PDE1C: variants seen among roughly 807,000 people sequenced by gnomAD.
PDE1C encodes the protein phosphodiesterase 1C.
In PDE1C, 62 loss-of-function variants were observed where a neutral mutation model predicts 93.1. The ratio of observed to expected loss-of-function variants is 0.67; its 90% CI spans 0.54 to 0.82. The LOEUF (loss-of-function observed/expected upper bound fraction) is 0.82, where lower values mean the gene tolerates loss of function less well. PDE1C is among the 40% of genes least tolerant of loss of function. PDE1C has a pLI of 0.00. For synonymous variants in PDE1C, 325 were observed against 310.1 expected, an observed-to-expected ratio of 1.05 and a Z score of -0.50; for missense variants, 742 against 884.6, an observed-to-expected ratio of 0.84 and a Z score of 2.04.
intron 2 of PDE1C, among the ~76,000 whole-genome samples, chr7:31,910,876 T>G (rs1463031423): frequency 1.3e-5 from 2 of 152,210 alleles, no homozygotes; most frequent in Non-Finnish European, 2.9e-5. Context: ...GAAGAGTGTT[T>G]GCAATTATTA....
At chr7:32,376,621 G>A (rs1486601677) in intron 1 of PDE1C, among the ~76,000 whole-genome samples, 3 of 152,110 alleles carry the variant, frequency 2.0e-5, no homozygotes, top group Admixed American at 1.3e-4. Context: ...CTAATCTAAC[G>A]GACTAAATCA....
chr7:31,642,202 T>C, the PDE1C span: 4 of 1,561,902 alleles, frequency 2.6e-6, no homozygotes, highest in Non-Finnish European at 3.5e-6. Context: ...AGCAAATAGC[T>C]GCCAGTCTGA....
At chr7:32,081,861 T>C (rs905964909) in intron 3 of PDE1C, among the ~76,000 whole-genome samples, 1 of 152,178 alleles carries the variant, frequency 6.6e-6, no homozygotes, top group Non-Finnish European at 1.5e-5. Context: ...CATATCAAAA[T>C]GAAAATGTGG....
the PDE1C span, among the ~76,000 whole-genome samples, chr7:31,716,662 A>G: frequency 6.6e-6 from 1 of 152,244 alleles, no homozygotes; most frequent in Non-Finnish European, 1.5e-5. Context: ...CACAGACAGC[A>G]AACCACGTAG....
chr7:32,217,054 C>T (rs1025827308), intron 1 of PDE1C, among the ~76,000 whole-genome samples: 4 of 152,216 alleles, frequency 2.6e-5, no homozygotes, highest in African/African-American at 9.6e-5. Context: ...CCAGAACTCA[C>T]AGCAATAGGA....
chr7:32,093,419 C>T (rs1054498376), intron 3 of PDE1C, among the ~76,000 whole-genome samples: 6 of 152,232 alleles, frequency 3.9e-5, no homozygotes, highest in African/African-American at 7.2e-5. Context: ...ACTGCATCTC[C>T]TGCTTTGGTC....
chr7:31,809,741 G>A (rs62457313), intron 15 of PDE1C, among the ~76,000 whole-genome samples: 8,157 of 152,134 alleles, frequency 0.054, 320 homozygotes, highest in Non-Finnish European at 0.08. Context: ...AAATATATTT[G>A]CTAAGTTAGA....
the PDE1C span, among the ~76,000 whole-genome samples, chr7:31,704,302 G>A: frequency 5.9e-5 from 9 of 152,150 alleles, no homozygotes; most frequent in Admixed American, 1.3e-4. Context: ...CCCTGAGACC[G>A]CAATGTAATG....
intron 15 of PDE1C, among the ~76,000 whole-genome samples, chr7:31,811,185 A>C (rs941478729): frequency 1.3e-5 from 2 of 152,130 alleles, no homozygotes; most frequent in East Asian, 3.9e-4. Flanking sequence ...TGGTGGCTTC[A>C]TAAGGAAAAA....
upstream of PDE1C, among the ~76,000 whole-genome samples, chr7:32,300,703 C>T (rs761191988): frequency 9.2e-5 from 14 of 152,110 alleles, no homozygotes; most frequent in Admixed American, 2.6e-4. Flanking sequence ...GTAGACTGCA[C>T]GGAAAATTCT....
intron 3 of PDE1C, among the ~76,000 whole-genome samples, chr7:32,087,346 AAAC>A (rs1797161319): frequency 6.6e-6 from 1 of 152,164 alleles, no homozygotes; most frequent in Non-Finnish European, 1.5e-5. Context: ...AAAAGTCAGG[AAAC>A]AACAGTTGCT....
chr7:31,997,649 G>C (rs985279204), intron 2 of PDE1C, among the ~76,000 whole-genome samples: 1 of 152,204 alleles, frequency 6.6e-6, no homozygotes, highest in Admixed American at 6.5e-5. Flanking sequence ...GGTAGATGCT[G>C]TCTGTTGCTC....
At chr7:31,645,622 T>C in the PDE1C span, among the ~76,000 whole-genome samples, 1 of 152,248 alleles carries the variant, frequency 6.6e-6, no homozygotes, top group African/African-American at 2.4e-5. Context: ...ACCACCATCA[T>C]CATTATTTAC....
the PDE1C span, among the ~76,000 whole-genome samples, chr7:31,657,397 T>C: frequency 6.6e-6 from 1 of 152,242 alleles, no homozygotes; most frequent in Non-Finnish European, 1.5e-5. Flanking sequence ...GAAATTTATT[T>C]TTTAAATAAA....
At chr7:31,620,878 AT>A in the PDE1C span, among the ~76,000 whole-genome samples, 1 of 152,078 alleles carries the variant, frequency 6.6e-6, no homozygotes, top group African/African-American at 2.4e-5. Context: ...AGACGAATGT[AT>A]AACTAGAATA....
chr7:31,851,241 G>A (rs567723769), intron 7 of PDE1C, among the ~76,000 whole-genome samples: 12 of 152,320 alleles, frequency 7.9e-5, no homozygotes, highest in African/African-American at 2.6e-4. Context: ...GCATGCTGAT[G>A]ATGTTTGAAA....
intron 2 of PDE1C, among the ~76,000 whole-genome samples, chr7:32,026,131 C>T (rs1394638944): frequency 1.3e-5 from 2 of 152,214 alleles, no homozygotes; most frequent in East Asian, 1.9e-4. Context: ...AAACCATGCT[C>T]GGAATGAATC....
chr7:32,146,511 C>T (rs1465442907), intron 3 of PDE1C, among the ~76,000 whole-genome samples: 1 of 152,146 alleles, frequency 6.6e-6, no homozygotes, highest in African/African-American at 2.4e-5. Flanking sequence ...CTATGATCCT[C>T]CTGCCTCCCT....
chr7:31,980,928 C>A (rs1812290287), intron 2 of PDE1C, among the ~76,000 whole-genome samples: 1 of 152,174 alleles, frequency 6.6e-6, no homozygotes, highest in Non-Finnish European at 1.5e-5. Flanking sequence ...ATGGTGGGCC[C>A]ACCCAGATGA....
Sources: gnomAD v4.1 joint callset for allele counts (sites outside exome capture counted in the v4.1 genomes callset) on GRCh38, gnomAD v4.1.1 for gene constraint, MANE v1.5 for transcripts, NCBI Gene and HGNC (gene_info 2026-07-23, HGNC 2026-07-21) for gene names.